The following CDC42EP4 variants were observed in gnomAD, a reference collection of about 807,000 sequenced individuals.
CDC42EP4 encodes CDC42 effector protein (Rho GTPase binding) 4.
A neutral mutation model predicts 5.6 loss-of-function variants in CDC42EP4; 6 were observed. The ratio of observed to expected loss-of-function variants is 1.07; its 90% CI spans 0.59 to 2.12. The LOEUF is 2.12. Ranked by LOEUF, CDC42EP4 falls within the 30% of genes most tolerant of loss-of-function variation. The pLI is 0.00. For synonymous variants in CDC42EP4, 230 were observed against 224.2 expected (o/e 1.03, Z -0.23); for missense variants, 490 against 508.6 (o/e 0.96, Z 0.35).
chr17:73,309,487 G>T (rs1292992868), intron 1 of CDC42EP4, among the ~76,000 whole-genome samples: 1 of 152,126 alleles, frequency 6.6e-6, no homozygotes, highest in Non-Finnish European at 1.5e-5. Context: ...CTCTGGTTCT[G>T]TGAGGTGCTG....
At chr17:73,301,056 TAAA>T (rs58376913) in intron 1 of CDC42EP4, among the ~76,000 whole-genome samples, 2 of 124,538 alleles carry the variant, frequency 1.6e-5, no homozygotes, top group Admixed American at 1.6e-4. Context: ...TCAAAAAAAT[TAAA>T]AAAAAAAAAA....
At chr17:73,310,236 T>A (rs958029324) in intron 1 of CDC42EP4, 1 of 152,098 alleles carries the variant, frequency 6.6e-6, no homozygotes, top group African/African-American at 2.4e-5. Flanking sequence ...CTGCTGGTGG[T>A]CCCTCCTCCA....
chr17:73,295,586 C>A (rs1356252097), intron 1 of CDC42EP4, among the ~76,000 whole-genome samples: 2 of 152,114 alleles, frequency 1.3e-5, no homozygotes, highest in Non-Finnish European at 2.9e-5. Context: ...AGCAAAATTT[C>A]TTCAAATAAT....
At chr17:73,307,557 C>T (rs1458609007) in intron 1 of CDC42EP4, among the ~76,000 whole-genome samples, 6 of 151,246 alleles carry the variant, frequency 4.0e-5, no homozygotes, top group African/African-American at 1.5e-4. Context: ...ACACCATTCT[C>T]CTGCCTCAGC....
chr17:73,297,827 T>G (rs1256742673), intron 1 of CDC42EP4, among the ~76,000 whole-genome samples: 1 of 151,834 alleles, frequency 6.6e-6, no homozygotes, highest in African/African-American at 2.4e-5. Flanking sequence ...GCCAGTTAAT[T>G]TTTATATTTT....
intron 1 of CDC42EP4, among the ~76,000 whole-genome samples, chr17:73,291,392 T>A (rs549614205): frequency 2.1e-4 from 32 of 152,148 alleles, no homozygotes; most frequent in African/African-American, 7.7e-4. Context: ...CCCAGCAGGA[T>A]TGAGGGTCAG....
Position 73,285,823 on chromosome 17 carries a change from G to C in CDC42EP4, c.678C>G (p.Asp226Glu), listed in dbSNP as rs1207430292. ...SMLGDVLSIM[D>E]KEEWDPEEGE... ...CCTCCTCGGGGTCCCACTCCTCCTTGTCCATGATGCTGAGGACGTCACCCA... is the reference window on the plus strand; with the variant it reads ...CCTCCTCGGGGTCCCACTCCTCCTTCTCCATGATGCTGAGGACGTCACCCA... The change falls in exon 2 of 2, where the codon GAC becomes GAG. Residue 226 changes from aspartate to glutamate, a missense_variant. Transcript: ENST00000335793. The surrounding 1 kb of genome is among the most constrained non-coding windows in gnomAD (Gnocchi z 6.8). The C allele has an allele frequency of 6.2e-7, 1 of 1,612,352 alleles. No individual in the cohort carries two copies. Among genetic ancestry groups the C allele is most frequent in the African/African-American group, 1.3e-5 (1 of 75,038 alleles).
In CDC42EP4 at chr17:73,285,870, T is replaced by C; in HGVS notation, c.631A>G (p.Ile211Val). 1.2e-6 allele frequency: 2 copies of C among 1,613,998 alleles called. No individual in the cohort carries two copies. Among genetic ancestry groups the C allele is most frequent in the Non-Finnish European group, 1.7e-6 (2 of 1,179,992 alleles). Residue 211 changes from isoleucine (I) to valine (V), a missense_variant, in exon 2 of 2, where the codon ATC becomes GTC. Ile to Val is a conservative substitution (Grantham distance 29, BLOSUM62 3). Transcript: ENST00000335793. The surrounding 1 kb of genome is among the most constrained non-coding windows in gnomAD (Gnocchi z 6.8). ...KHAESIMSFH[I>V]DLGPSMLGDV... ...CCCAGCATGGAGGGCCCCAGGTCGA[T>C]GTGGAAGGACATGATGGACTCCGCA...
At position 73,286,811 on chromosome 17, in the gene CDC42EP4, T is replaced by G; in HGVS notation, c.-112-199A>C. 3.2e-6 allele frequency: 1 copy of G among 311,948 alleles called. No individual in the cohort carries two copies. Among genetic ancestry groups the G allele is most frequent in the Non-Finnish European group, 5.9e-6 (1 of 168,560 alleles). 19.3% of individuals were successfully genotyped at this position (311,948 alleles called of 1,614,324 possible). A position where few individuals can be genotyped will look rare whatever the true frequency, so the allele number is the denominator to read the frequency against. On this transcript the variant is annotated intron_variant, in intron 1 of 1. Transcript: ENST00000335793. The surrounding 1 kb of genome is among the most constrained non-coding windows in gnomAD (Gnocchi z 7.7). ...CAGAGTAGAGGAGTGATTTTGCAAA[T>G]CTGGTTAGAGTTCCAGTAGCCTCGG...
intron 1 of CDC42EP4, among the ~76,000 whole-genome samples, chr17:73,289,489 A>G (rs1234927421): frequency 2.0e-5 from 3 of 151,564 alleles, no homozygotes; most frequent in Non-Finnish European, 1.5e-5. Flanking sequence ...CCACCCCAAC[A>G]CTTGACCCCA....
rs754529958 is a variant in CDC42EP4, at chr17:73,285,868, G to C, written c.633C>G (p.Ile211Met). 1.2e-6 allele frequency: 2 copies of C among 1,614,100 alleles called. No individual in the cohort carries two copies. The highest frequency in any genetic ancestry group is 8.5e-7 in the Non-Finnish European group (1 of 1,180,016). ...KHAESIMSFH[I>M]DLGPSMLGDV... ...CACCCAGCATGGAGGGCCCCAGGTC[G>C]ATGTGGAAGGACATGATGGACTCCG... Residue 211 changes from isoleucine (I) to methionine (M), a missense_variant, in exon 2 of 2, where the codon ATC becomes ATG. By Grantham distance (10) the Ile-to-Met change is conservative. Transcript: ENST00000335793. This position sits in a 1 kb window ranked among gnomAD's most constrained non-coding sequence, Gnocchi z 6.8.
intron 1 of CDC42EP4, chr17:73,307,441 TTCTTTC>T (rs2062249209): frequency 6.8e-6 from 1 of 146,326 alleles, no homozygotes; most frequent in Non-Finnish European, 1.5e-5. Context: ...GAATTTTTCT[TTCTTTC>T]TTTTTTTTTT....
intron 1 of CDC42EP4, among the ~76,000 whole-genome samples, chr17:73,304,104 A>G (rs1599441503): frequency 6.6e-6 from 1 of 152,122 alleles, no homozygotes; most frequent in Non-Finnish European, 1.5e-5. Flanking sequence ...ACTATTCTAG[A>G]CCCTACCTAA....
intron 1 of CDC42EP4, among the ~76,000 whole-genome samples, chr17:73,287,945 G>A (rs914220819): frequency 1.3e-5 from 2 of 151,966 alleles, no homozygotes; most frequent in Non-Finnish European, 2.9e-5. Flanking sequence ...TCCACATGAC[G>A]CCCTACCCAG....
At chr17:73,306,623 G>A (rs774272238) in intron 1 of CDC42EP4, 4 of 152,230 alleles carry the variant, frequency 2.6e-5, no homozygotes, top group Admixed American at 6.5e-5. Flanking sequence ...GAGCCCCTAG[G>A]CTCTTTTTGG....
intron 1 of CDC42EP4, among the ~76,000 whole-genome samples, chr17:73,295,497 A>T (rs1379416152): frequency 6.6e-6 from 1 of 152,220 alleles, no homozygotes; most frequent in Admixed American, 6.5e-5. Flanking sequence ...CAGGGGGAAC[A>T]TTACAAAACT....
intron 1 of CDC42EP4, among the ~76,000 whole-genome samples, chr17:73,301,638 C>G (rs2145323053): frequency 6.6e-6 from 1 of 151,986 alleles, no homozygotes; most frequent in African/African-American, 2.4e-5. Context: ...CCTTCCACTC[C>G]TGGGTTCAAG....
intron 1 of CDC42EP4, among the ~76,000 whole-genome samples, chr17:73,307,595 C>A (rs1568346770): frequency 6.6e-6 from 1 of 151,606 alleles, no homozygotes; most frequent in Non-Finnish European, 1.5e-5. Context: ...CTACAGGCGC[C>A]CACCACCAAG....
At position 73,284,605 on chromosome 17, in the gene CDC42EP4, G is replaced by A. The variant is rs551387225; in HGVS notation, c.*825C>T. The A allele has an allele frequency of 6.6e-6, 1 of 152,126 alleles. No individual in the cohort carries two copies. Among genetic ancestry groups the A allele is most frequent in the South Asian group, 2.1e-4 (1 of 4,828 alleles). 9.4% of individuals were successfully genotyped at this position (152,126 alleles called of 1,614,324 possible). A position where few individuals can be genotyped will look rare whatever the true frequency, so the allele number is the denominator to read the frequency against. ...TTTTGAAGAGGAGGCTTAGTATAAAGGTTTTCTAAAAGGATTGATTCTCAT... is the reference window on the plus strand; with the variant it reads ...TTTTGAAGAGGAGGCTTAGTATAAAAGTTTTCTAAAAGGATTGATTCTCAT... On this transcript the variant is annotated 3_prime_UTR_variant, in exon 2 of 2. Transcript: ENST00000335793.
Sources: gnomAD v4.1 joint callset for allele counts (sites outside exome capture counted in the v4.1 genomes callset) on GRCh38, gnomAD v4.1.1 for gene constraint, Gnocchi (gnomAD v3.1) non-coding constraint, MANE v1.5 for transcripts, NCBI Gene and HGNC (gene_info 2026-07-23, HGNC 2026-07-21) for gene names.